Variants in PID1 observed in about 807,000 individuals in gnomAD.
The protein encoded by PID1 is phosphotyrosine interaction domain containing 1.
In PID1, 10 loss-of-function variants were observed where a neutral mutation model predicts 19.1. The ratio of observed to expected loss-of-function variants is 0.52; its 90% CI spans 0.32 to 0.89. The LOEUF is 0.89. PID1 is among the 40% of genes least tolerant of loss of function. The pLI, the probability that PID1 is intolerant of heterozygous loss-of-function variation, is 0.03. For missense variants in PID1, 248 were observed against 285.3 expected (o/e 0.87, Z 0.94); for synonymous variants, 130 against 116.0 (o/e 1.12, Z -0.78).
intron 1 of PID1, among the ~76,000 whole-genome samples, chr2:229,216,250 A>T (rs1192487820): frequency 6.6e-6 from 1 of 152,218 alleles, no homozygotes; most frequent in Non-Finnish European, 1.5e-5. Context: ...GTCCCCCTCA[A>T]CATGCCCGGG....
At chr2:229,202,627 T>C (rs1178144226) in intron 1 of PID1, among the ~76,000 whole-genome samples, 2 of 152,072 alleles carry the variant, frequency 1.3e-5, no homozygotes, top group Admixed American at 1.3e-4. Context: ...AATGTACTTC[T>C]GCATATATAT....
intron 1 of PID1, among the ~76,000 whole-genome samples, chr2:229,267,635 T>A (rs939733028): frequency 2.0e-5 from 3 of 152,170 alleles, no homozygotes; most frequent in Non-Finnish European, 2.9e-5. Flanking sequence ...AGAAAATGCA[T>A]CTGGTAGCTC....
At chr2:229,044,884 C>A (rs1693842031) in intron 2 of PID1, among the ~76,000 whole-genome samples, 1 of 152,164 alleles carries the variant, frequency 6.6e-6, no homozygotes, top group Non-Finnish European at 1.5e-5. Flanking sequence ...TAAATTAATT[C>A]TCCTTAACGT....
At chr2:229,170,464 T>G (rs1690688857) in intron 1 of PID1, among the ~76,000 whole-genome samples, 1 of 152,278 alleles carries the variant, frequency 6.6e-6, no homozygotes, top group South Asian at 2.1e-4. Flanking sequence ...TTACAAAAAT[T>G]TTTATTCTTT....
chr2:229,049,246 T>C (rs1014954112), intron 2 of PID1, among the ~76,000 whole-genome samples: 9 of 152,234 alleles, frequency 5.9e-5, no homozygotes, highest in African/African-American at 2.2e-4. Context: ...TCCTGTTATT[T>C]TTTGATTGCT....
chr2:229,205,078 T>C (rs1691580784), intron 1 of PID1, among the ~76,000 whole-genome samples: 1 of 152,146 alleles, frequency 6.6e-6, no homozygotes, highest in Non-Finnish European at 1.5e-5. Context: ...CATTTAACTT[T>C]AAATCTCTTC....
Position 229,056,922 on chromosome 2 carries a change from C to T in PID1, c.178-30814G>A, listed in dbSNP as rs553337621. Among the ~76,000 whole-genome samples the T allele has an allele frequency of 1.1e-4, 16 of 152,150 alleles. No homozygotes were observed. In the South Asian group the frequency reaches 1.2e-3, roughly 12 times the overall value. ...GTCCTTATGTAGCTAGAAGAGACAA[C>T]GTATCTATTCCAACAAAGGATTGTC... On this transcript the variant is annotated intron_variant, in intron 2 of 2. Transcript: ENST00000392055.
chr2:229,210,501 AG>A (rs1170119558), intron 1 of PID1, among the ~76,000 whole-genome samples: 2 of 121,372 alleles, frequency 1.6e-5, no homozygotes, highest in African/African-American at 3.0e-5. Context: ...TGGGAGACAA[AG>A]CTCCCAGGCT....
intron 2 of PID1, among the ~76,000 whole-genome samples, chr2:229,144,301 C>A (rs1412807922): frequency 6.6e-6 from 1 of 151,986 alleles, no homozygotes; most frequent in African/African-American, 2.4e-5. Context: ...CGCAGCTGAC[C>A]CAGAGACAGA....
intron 2 of PID1, among the ~76,000 whole-genome samples, chr2:229,131,671 A>G (rs1689744140): frequency 6.6e-6 from 1 of 152,264 alleles, no homozygotes; most frequent in African/African-American, 2.4e-5. Flanking sequence ...AAAAGTCATC[A>G]TCAAATATTC....
intron 2 of PID1, among the ~76,000 whole-genome samples, chr2:229,066,856 A>G (rs1212494416): frequency 6.6e-6 from 1 of 152,098 alleles, no homozygotes; most frequent in African/African-American, 2.4e-5. Context: ...CACTCATACG[A>G]GGTTCATTAA....
chr2:229,129,345 C>T (rs1689665659), intron 2 of PID1, among the ~76,000 whole-genome samples: 1 of 148,076 alleles, frequency 6.8e-6, no homozygotes, highest in Non-Finnish European at 1.5e-5. Context: ...ACCCGGGAGG[C>T]AGAACTTGCA....
chr2:229,042,897 A>G (rs1693799065), intron 2 of PID1, among the ~76,000 whole-genome samples: 1 of 152,054 alleles, frequency 6.6e-6, no homozygotes. Context: ...TATTACATTG[A>G]AAAAAATCCT....
chr2:229,083,393 A>T (rs1473309458), intron 2 of PID1, among the ~76,000 whole-genome samples: 2 of 152,074 alleles, frequency 1.3e-5, no homozygotes, highest in Non-Finnish European at 2.9e-5. Flanking sequence ...CATTAAAAGA[A>T]TTTTTTTTAA....
At chr2:229,163,684 T>TGTGCGCGCGCGCATGTGC (rs1553570277) in intron 1 of PID1, among the ~76,000 whole-genome samples, 12 of 78,060 alleles carry the variant, frequency 1.5e-4, no homozygotes, top group African/African-American at 4.6e-4. Context: ...TGCGTGTGCG[T>TGTGCGCGCGCGCATGTGC]GTGTGTGTGT....
chr2:229,167,616 A>G (rs1690626245), intron 1 of PID1, among the ~76,000 whole-genome samples: 1 of 152,198 alleles, frequency 6.6e-6, no homozygotes, highest in African/African-American at 2.4e-5. Context: ...TGACTACTAA[A>G]TACAATATAT....
chr2:229,069,814 A>G (rs1043504263), intron 2 of PID1, among the ~76,000 whole-genome samples: 1 of 152,228 alleles, frequency 6.6e-6, no homozygotes, highest in Non-Finnish European at 1.5e-5. Flanking sequence ...GCTTTATCAA[A>G]GAAATAATAT....
chr2:229,109,133 G>A (rs945383019), intron 2 of PID1, among the ~76,000 whole-genome samples: 2 of 152,136 alleles, frequency 1.3e-5, no homozygotes, highest in African/African-American at 4.8e-5. Context: ...GCACAGAGTA[G>A]ATTAAATCCT....
intron 2 of PID1, among the ~76,000 whole-genome samples, chr2:229,056,057 A>G (rs1275408145): frequency 2.0e-5 from 3 of 152,144 alleles, no homozygotes; most frequent in Admixed American, 2.0e-4. Context: ...GACTATACAT[A>G]ATCTGGTTAT....
Sources: gnomAD v4.1 joint callset for allele counts (sites outside exome capture counted in the v4.1 genomes callset) on GRCh38, gnomAD v4.1.1 for gene constraint, MANE v1.5 for transcripts, NCBI Gene and HGNC (gene_info 2026-07-23, HGNC 2026-07-21) for gene names.